CTNNA1: variants seen among roughly 807,000 people sequenced by gnomAD.
CTNNA1 encodes the protein catenin alpha 1, also known as catenin alpha-1.
CTNNA1 carries 37 observed loss-of-function variants against 98.4 expected under a neutral mutation model. The ratio of observed to expected loss-of-function variants is 0.38; its 90% CI spans 0.29 to 0.49. The LOEUF (loss-of-function observed/expected upper bound fraction) is 0.49, where lower values mean the gene tolerates loss of function less well. Ranked by LOEUF, CTNNA1 falls within the 20% of genes least tolerant of loss-of-function variation. The probability of loss-of-function intolerance (pLI) is 0.95; values close to 1 mark genes in which losing one functional copy is unlikely to be tolerated. For synonymous variants in CTNNA1, 404 were observed against 413.2 expected (o/e 0.98, Z 0.27); for missense variants, 761 against 1,147.2 (o/e 0.66, Z 4.86).
chr5:138,849,615 A>G (rs1443914278), intron 7 of CTNNA1, among the ~76,000 whole-genome samples: 7 of 152,194 alleles, frequency 4.6e-5, no homozygotes, highest in Admixed American at 4.6e-4. Flanking sequence ...GCTGGCTGGT[A>G]TCATCACTCC....
chr5:138,838,016 A>G (rs536404064), intron 7 of CTNNA1, among the ~76,000 whole-genome samples: 8 of 150,196 alleles, frequency 5.3e-5, no homozygotes, highest in South Asian at 4.3e-4. Context: ...ATCTGTTTCA[A>G]TCAGCTCCCC....
chr5:138,839,591 G>T (rs548400969), intron 7 of CTNNA1, among the ~76,000 whole-genome samples: 73 of 152,170 alleles, frequency 4.8e-4, no homozygotes, highest in Admixed American at 1.4e-3. Flanking sequence ...TTTTTAGTTG[G>T]GGGAAAGATC....
rs775822647 is a variant in CTNNA1 at position 138,873,174 on chromosome 5, T to G, written c.1063-13038T>G. 2.5e-6 allele frequency: 4 copies of G among 1,614,020 alleles called. No homozygotes were observed. In the East Asian group the frequency reaches 8.9e-5, roughly 36 times the overall value. On this transcript the variant is annotated intron_variant, in intron 7 of 17. Coordinates refer to ENST00000302763, the MANE Select transcript of CTNNA1 (RefSeq NM_001903.5). The surrounding 1 kb of genome is among the most constrained non-coding windows in gnomAD (Gnocchi z 6.1). ...GTTTGGGATCGGAGCTGCCTGTGGT[T>G]CTGAACCATTGAGCACTGCCTAATT...
intron 11 of CTNNA1, among the ~76,000 whole-genome samples, chr5:138,924,277 T>TTTA (rs1403837808): frequency 2.2e-5 from 3 of 134,944 alleles, no homozygotes; most frequent in African/African-American, 8.7e-5. Flanking sequence ...TGTTTTTTAT[T>TTTA]TTTTGTTTTT....
intron 5 of CTNNA1, among the ~76,000 whole-genome samples, chr5:138,821,736 C>T (rs982118715): frequency 6.6e-6 from 1 of 152,090 alleles, no homozygotes; most frequent in African/African-American, 2.4e-5. Flanking sequence ...GTTCTTTGTT[C>T]CTGAGTCTGC....
rs533573408 is a variant in CTNNA1 at position 138,812,190 on chromosome 5, A to G, written c.476A>G (p.Asp159Gly). 11 of 1,613,378 alleles carry G rather than the reference A, an allele frequency of 6.8e-6. No homozygotes were observed. In the African/African-American group the frequency reaches 1.5e-4, roughly 22 times the overall value. Reference sequence around the variant, plus strand: ...GTCTTTCTTATTTTATAGGTGGAAGATGGTATCTTGAAGTTGAGGAATGCT... The same window carrying G: ...GTCTTTCTTATTTTATAGGTGGAAGGTGGTATCTTGAAGTTGAGGAATGCT... ...KLLVQLKVVE[D>G]GILKLRNAGN... The change falls in exon 5 of 18, where the codon GAT becomes GGT. Residue 159 changes from aspartate (D) to glycine (G), a missense_variant. This residue lies in a region of CTNNA1 where 328 missense variants were observed against 354.3 expected (regional missense o/e 0.93). Transcript: ENST00000302763.
chr5:138,887,609 A>C lies in CTNNA1; in HGVS notation c.1263A>C (p.Gln421His), dbSNP rs768184454. The C allele has an allele frequency of 1.2e-6, 2 of 1,611,690 alleles. No individual in the cohort carries two copies. The highest frequency in any genetic ancestry group is 1.1e-5 in the South Asian group (1 of 90,438). The change falls in exon 9 of 18, where the codon CAA becomes CAC. Residue 421 changes from glutamine (Q) to histidine (H), a missense_variant. Gln to His is a conservative substitution (Grantham distance 24, BLOSUM62 0). Around this residue, in one of 6 missense-constraint regions of CTNNA1, gnomAD observed 287 missense variants for 436.0 expected, o/e 0.66. Transcript: ENST00000302763. The stretch of plus-strand genomic sequence containing the variant: ...AGAAAGAAGTTAAGGAGTATGCCCA[A>C]GTTTTCCGTGAACATGCCAACAAAT... ...GNEKEVKEYA[Q>H]VFREHANKLI...
chr5:138,872,952 G>A (rs1380522297), intron 7 of CTNNA1: 4 of 1,253,782 alleles, frequency 3.2e-6, no homozygotes, highest in Non-Finnish European at 4.4e-6. Context: ...TATGTATTTA[G>A]CCTCTACTAT....
chr5:138,822,255 A>G (rs141795249), intron 5 of CTNNA1, among the ~76,000 whole-genome samples: 1 of 152,252 alleles, frequency 6.6e-6, no homozygotes, highest in Non-Finnish European at 1.5e-5. Flanking sequence ...CTCTAAATCC[A>G]CAGGATCTTG....
At chr5:138,841,585 A>G (rs1488461092) in intron 7 of CTNNA1, among the ~76,000 whole-genome samples, 36 of 151,962 alleles carry the variant, frequency 2.4e-4, no homozygotes. Context: ...TATTGGATAT[A>G]TAGAACCAAA....
At chr5:138,894,781 C>T (rs559447836) in intron 9 of CTNNA1, among the ~76,000 whole-genome samples, 1 of 152,260 alleles carries the variant, frequency 6.6e-6, no homozygotes. Context: ...AACCATGGCC[C>T]CTAAGTTTCC....
intron 7 of CTNNA1, among the ~76,000 whole-genome samples, chr5:138,867,377 G>A (rs1561612199): frequency 6.6e-6 from 1 of 152,176 alleles, no homozygotes. Context: ...GTGCATCTGG[G>A]CAAACACGGC....
intron 7 of CTNNA1, among the ~76,000 whole-genome samples, chr5:138,852,381 G>A (rs951685413): frequency 7.2e-6 from 1 of 139,152 alleles, no homozygotes; most frequent in African/African-American, 2.7e-5. Context: ...CAGTGTTCTA[G>A]GATAGTGATT....
At chr5:138,875,120 C>T (rs1402323451) in intron 7 of CTNNA1, 5 of 514,570 alleles carry the variant, frequency 9.7e-6, no homozygotes, top group African/African-American at 2.0e-5. Flanking sequence ...TCTGTGATTG[C>T]TCTGATCCCT....
intron 7 of CTNNA1, among the ~76,000 whole-genome samples, chr5:138,863,157 T>C (rs1193335872): frequency 1.3e-5 from 2 of 152,076 alleles, no homozygotes; most frequent in Non-Finnish European, 2.9e-5. Context: ...GTGGTTTTTT[T>C]TTAATGGCTT....
At chr5:138,756,221 TAGAG>T (rs929066937) in intron 1 of CTNNA1, among the ~76,000 whole-genome samples, 38 of 151,788 alleles carry the variant, frequency 2.5e-4, no homozygotes, top group African/African-American at 5.6e-4. Flanking sequence ...GTATTTTTGA[TAGAG>T]AGGGTTTCAC....
At chr5:138,800,494 A>C (rs554545441) in intron 3 of CTNNA1, among the ~76,000 whole-genome samples, 1 of 152,262 alleles carries the variant, frequency 6.6e-6, no homozygotes, top group South Asian at 2.1e-4. Context: ...CCCAAATGCC[A>C]TTAAAAAGTG....
intron 3 of CTNNA1, among the ~76,000 whole-genome samples, chr5:138,793,499 AAAAT>A (rs940718439): frequency 1.3e-5 from 2 of 152,218 alleles, no homozygotes; most frequent in South Asian, 2.1e-4. Context: ...TAAGCTCACA[AAAAT>A]AAATAACACT....
At chr5:138,891,565 A>T (rs1403839638) in intron 9 of CTNNA1, among the ~76,000 whole-genome samples, 1 of 152,178 alleles carries the variant, frequency 6.6e-6, no homozygotes, top group African/African-American at 2.4e-5. Flanking sequence ...GTTCGAGACC[A>T]GCCTGGCTAC....
Sources: allele counts gnomAD v4.1 joint callset (sites outside exome capture counted in the v4.1 genomes callset), GRCh38; gene constraint gnomAD v4.1.1; regional missense constraint gnomAD v4.1.1; non-coding constraint Gnocchi (gnomAD v3.1); transcripts MANE v1.5; gene names NCBI Gene and HGNC (gene_info 2026-07-23, HGNC 2026-07-21).